ACTL8: variants seen among roughly 807,000 people sequenced by gnomAD.
ACTL8 encodes the protein actin-like protein 8.
Under a neutral mutation model 9.3 loss-of-function variants are expected in ACTL8, and 3 were observed. The observed-to-expected ratio is 0.32, with a 90% CI of 0.15 to 0.83. The LOEUF is 0.83. Ranked by LOEUF, ACTL8 falls within the 40% of genes least tolerant of loss-of-function variation. The probability of loss-of-function intolerance (pLI) is 0.57; values close to 1 mark genes in which losing one functional copy is unlikely to be tolerated. For synonymous variants in ACTL8, 224 were observed against 205.9 expected, an observed-to-expected ratio of 1.09 and a Z score of -0.75; for missense variants, 381 against 492.2, an observed-to-expected ratio of 0.77 and a Z score of 2.14.
intron 1 of ACTL8, among the ~76,000 whole-genome samples, chr1:17,757,251 A>G (rs928511935): frequency 7.6e-6 from 1 of 132,064 alleles, no homozygotes; most frequent in East Asian, 2.7e-4. Flanking sequence ...CTTCCATGGC[A>G]GCCCTTAAGG....
intron 1 of ACTL8, among the ~76,000 whole-genome samples, chr1:17,822,727 G>A (rs2053673742): frequency 6.6e-6 from 1 of 152,166 alleles, no homozygotes; most frequent in South Asian, 2.1e-4. Context: ...TGTGCAAAGT[G>A]CAGTGGGAGA....
intron 1 of ACTL8, among the ~76,000 whole-genome samples, chr1:17,802,361 G>A (rs949375807): frequency 3.3e-5 from 5 of 152,084 alleles, no homozygotes; most frequent in African/African-American, 1.2e-4. Flanking sequence ...CATGAGGGTG[G>A]ACGTGGAGTC....
chr1:17,784,133 A>G (rs1035739981), intron 1 of ACTL8, among the ~76,000 whole-genome samples: 1 of 152,170 alleles, frequency 6.6e-6, no homozygotes, highest in African/African-American at 2.4e-5. Context: ...CTGTACGGGA[A>G]CCATGGTTAG....
chr1:17,789,615 G>A (rs2066223766), intron 1 of ACTL8, among the ~76,000 whole-genome samples: 3 of 152,160 alleles, frequency 2.0e-5, no homozygotes, highest in East Asian at 3.9e-4. Flanking sequence ...GATGTTCCAA[G>A]CACATGTTAG....
chr1:17,825,121 A>G (rs1570051615), intron 2 of ACTL8, among the ~76,000 whole-genome samples: 1 of 137,892 alleles, frequency 7.3e-6, no homozygotes, highest in Non-Finnish European at 1.6e-5. Context: ...GAGCAGGGGG[A>G]GAAAACCAGC....
At chr1:17,784,709 C>A (rs1186395480) in intron 1 of ACTL8, among the ~76,000 whole-genome samples, 1 of 152,154 alleles carries the variant, frequency 6.6e-6, no homozygotes, top group Non-Finnish European at 1.5e-5. Context: ...AAGCACCACG[C>A]TTCTTCCCGT....
At chr1:17,776,933 G>A (rs1045086827) in intron 1 of ACTL8, among the ~76,000 whole-genome samples, 25 of 146,578 alleles carry the variant, frequency 1.7e-4, no homozygotes, top group African/African-American at 6.3e-4. Context: ...CTGAGTAGCT[G>A]GGACTATAGG....
intron 1 of ACTL8, among the ~76,000 whole-genome samples, chr1:17,765,915 C>T (rs1343698226): frequency 1.3e-5 from 2 of 152,232 alleles, no homozygotes; most frequent in Admixed American, 6.5e-5. Flanking sequence ...TCCCTCGAGA[C>T]CTCTCTCAAC....
At chr1:17,783,287 C>T (rs921009293) in intron 1 of ACTL8, among the ~76,000 whole-genome samples, 3 of 151,520 alleles carry the variant, frequency 2.0e-5, no homozygotes, top group African/African-American at 4.9e-5. Context: ...ATGCTGTTCC[C>T]GTGATAGTGA....
intron 1 of ACTL8, among the ~76,000 whole-genome samples, chr1:17,758,011 C>T (rs186010279): frequency 7.1e-4 from 108 of 152,300 alleles, no homozygotes; most frequent in Non-Finnish European, 1.3e-3. Flanking sequence ...ATCTGCACTC[C>T]CCTGCTGCCA....
At chr1:17,818,712 T>C (rs1036445581) in intron 1 of ACTL8, among the ~76,000 whole-genome samples, 4 of 152,232 alleles carry the variant, frequency 2.6e-5, no homozygotes, top group African/African-American at 9.6e-5. Context: ...TGATGACTGC[T>C]CTGCTTAAAA....
intron 1 of ACTL8, among the ~76,000 whole-genome samples, chr1:17,765,355 C>T (rs758188681): frequency 1.2e-4 from 18 of 152,250 alleles, no homozygotes; most frequent in Middle Eastern, 3.4e-3. Context: ...GCATGGAGGC[C>T]GCACTGTCCC....
At chr1:17,755,681 A>G (rs58140973) in intron 1 of ACTL8, among the ~76,000 whole-genome samples, 177 bp downstream of exon 1, 4,704 of 150,030 alleles carry the variant, frequency 0.031, 234 homozygotes, top group African/African-American at 0.11. Flanking sequence ...GACAGGCTCT[A>G]CCTCAGACCA....
At chr1:17,787,954 A>G (rs1008180507) in intron 1 of ACTL8, among the ~76,000 whole-genome samples, 1 of 152,178 alleles carries the variant, frequency 6.6e-6, no homozygotes, top group Non-Finnish European at 1.5e-5. Context: ...GAGAGGTATA[A>G]AGTGATCTCA....
intron 1 of ACTL8, among the ~76,000 whole-genome samples, chr1:17,805,371 CTTTTTCTTTT>C (rs1255037296): frequency 0.015 from 1,792 of 120,646 alleles, 82 homozygotes; most frequent in African/African-American, 0.048. Flanking sequence ...TTTTCTTTTT[CTTTTTCTTTT>C]TTTTTTTTTT....
chr1:17,781,453 G>A (rs1414054972), intron 1 of ACTL8, among the ~76,000 whole-genome samples: 3 of 152,124 alleles, frequency 2.0e-5, no homozygotes, highest in Admixed American at 2.0e-4. Context: ...TGGCCAGGCT[G>A]GTCTTGAACT....
chr1:17,795,198 G>A (rs562807102), intron 1 of ACTL8, among the ~76,000 whole-genome samples: 9 of 152,300 alleles, frequency 5.9e-5, no homozygotes, highest in South Asian at 2.1e-4. Flanking sequence ...AGTCACTGTC[G>A]TTTGCCCTCA....
chr1:17,817,762 A>G (rs138710842), intron 1 of ACTL8, among the ~76,000 whole-genome samples: 3,465 of 150,982 alleles, frequency 0.023, 126 homozygotes, highest in African/African-American at 0.077. Flanking sequence ...GTGCAGTGGC[A>G]TGATCTCGGC....
intron 1 of ACTL8, among the ~76,000 whole-genome samples, chr1:17,821,039 A>T (rs1259960455): frequency 2.0e-5 from 3 of 152,142 alleles, no homozygotes; most frequent in Non-Finnish European, 4.4e-5. Context: ...TTTCCTAATG[A>T]GTAATAATGC....
Sources: gnomAD v4.1 joint callset for allele counts (sites outside exome capture counted in the v4.1 genomes callset) on GRCh38, gnomAD v4.1.1 for gene constraint, MANE v1.5 for transcripts, NCBI Gene and HGNC (gene_info 2026-07-23, HGNC 2026-07-21) for gene names.